The following IQCB1 variants were observed in gnomAD, a reference collection of about 807,000 sequenced individuals.
The protein encoded by IQCB1 is IQ calmodulin-binding motif-containing protein 1.
IQCB1 carries 56 observed loss-of-function variants against 84.4 expected under a neutral mutation model. That is an observed-to-expected ratio of 0.66 (90% CI 0.54 to 0.83). The LOEUF (loss-of-function observed/expected upper bound fraction) is 0.83, where lower values mean the gene tolerates loss of function less well. Among genes scored for constraint, IQCB1 ranks in the 40% least tolerant of loss-of-function variants. IQCB1 has a pLI of 0.00. For missense variants in IQCB1, 629 were observed against 682.1 expected (o/e 0.92, Z 0.87); for synonymous variants, 210 against 234.8 (o/e 0.89, Z 0.96).
intron 4 of IQCB1, 43 bp downstream of exon 4, chr3:121,828,427 T>G (rs544575353): frequency 6.5e-7 from 1 of 1,536,986 alleles, no homozygotes; most frequent in Non-Finnish European, 9.0e-7. Context: ...CAGAATCAAC[T>G]ACTACATCCC....
chr3:121,828,597 A>T lies in IQCB1; in HGVS notation c.136T>A (p.Leu46Met), dbSNP rs1352178655. ...INITPLGSSE[L>M]KKIKQDIYCY... is the part of the protein sequence containing the mutation. ...TATATATCTTGTTTGATTTTCTTCAACTCTGAGCTTCCTAAAGGTGTGATG... is the reference window on the plus strand; with the variant it reads ...TATATATCTTGTTTGATTTTCTTCATCTCTGAGCTTCCTAAAGGTGTGATG... Residue 46 changes from leucine (L) to methionine (M), a missense_variant, in exon 4 of 15, where the codon TTG becomes ATG. Coordinates refer to ENST00000310864, the MANE Select transcript of IQCB1 (RefSeq NM_001023570.4). The T allele has an allele frequency of 1.2e-6, 2 of 1,603,254 alleles. No homozygotes were observed. The highest frequency in any genetic ancestry group is 4.5e-5 in the East Asian group (2 of 44,750).
chr3:121,816,058 G>GT (rs1559792489), intron 5 of IQCB1, among the ~76,000 whole-genome samples: 1 of 152,020 alleles, frequency 6.6e-6, no homozygotes, highest in African/African-American at 2.4e-5. Flanking sequence ...CATGGTACTG[G>GT]TATCAAAACA....
chr3:121,831,611 A>C (rs1039405834), intron 2 of IQCB1, among the ~76,000 whole-genome samples: 2 of 152,134 alleles, frequency 1.3e-5, no homozygotes, highest in African/African-American at 2.4e-5. Context: ...CCCTATCTCC[A>C]AGTAGACAGT....
chr3:121,776,318 T>C (rs1275526954), intron 13 of IQCB1, among the ~76,000 whole-genome samples: 1 of 152,222 alleles, frequency 6.6e-6, no homozygotes, highest in Non-Finnish European at 1.5e-5. Context: ...TGAGCATTCA[T>C]GTACAAGTGT....
In IQCB1 at chr3:121,828,908, G is replaced by C. The variant is rs752497982; in HGVS notation, c.53C>G (p.Ala18Gly). The C allele has an allele frequency of 6.2e-7, 1 of 1,611,290 alleles. No individual in the cohort carries two copies. The highest frequency in any genetic ancestry group is 1.3e-5 in the African/African-American group (1 of 74,796). Residue 18 changes from alanine to glycine, a missense_variant, in exon 3 of 15, where the codon GCA (alanine) becomes GGA (glycine). Ala to Gly is a moderately conservative substitution (Grantham distance 60). Coordinates refer to ENST00000310864, the MANE Select transcript of IQCB1 (RefSeq NM_001023570.4). The part of the protein sequence containing the change: ...PRILSIAAEV[A>G]KSPEQNVPVI... Reference sequence around the variant, plus strand: ...AGGGACATTCTGCTCAGGGCTTTTTGCAACTTCAGCAGCTATAGATAAGAT... The same window carrying C: ...AGGGACATTCTGCTCAGGGCTTTTTCCAACTTCAGCAGCTATAGATAAGAT...
At chr3:121,812,320 C>T (rs1949860633) in intron 5 of IQCB1, among the ~76,000 whole-genome samples, 2 of 152,200 alleles carry the variant, frequency 1.3e-5, no homozygotes, top group Non-Finnish European at 2.9e-5. Context: ...TGAGGAAAAA[C>T]CAGCACAAAA....
intron 5 of IQCB1, among the ~76,000 whole-genome samples, chr3:121,818,653 T>C (rs1258349372): frequency 6.6e-6 from 1 of 152,150 alleles, no homozygotes; most frequent in Non-Finnish European, 1.5e-5. Context: ...TGATTGATAA[T>C]TGATAAGTAT....
chr3:121,829,384 G>A (rs1950558139), intron 2 of IQCB1, among the ~76,000 whole-genome samples: 1 of 152,200 alleles, frequency 6.6e-6, no homozygotes, highest in Non-Finnish European at 1.5e-5. Context: ...TTACAAGGTT[G>A]GCCTTTGACT....
At chr3:121,809,285 C>T (rs1949731754) in intron 5 of IQCB1, among the ~76,000 whole-genome samples, 2 of 151,984 alleles carry the variant, frequency 1.3e-5, no homozygotes, top group African/African-American at 2.4e-5. Context: ...TGTCTTAATA[C>T]TTGCTATGCA....
intron 7 of IQCB1, among the ~76,000 whole-genome samples, chr3:121,803,344 C>A (rs1559779156): frequency 6.6e-6 from 1 of 152,336 alleles, no homozygotes. Context: ...AGCCACCGTG[C>A]CCGGCCCCTT....
intron 8 of IQCB1, 126 bp downstream of exon 8, chr3:121,799,070 G>A: frequency 3.0e-6 from 2 of 666,334 alleles, no homozygotes; most frequent in Non-Finnish European, 5.3e-6. Context: ...ATTGGTATCT[G>A]TTGTGAGTTT....
intron 7 of IQCB1, among the ~76,000 whole-genome samples, chr3:121,800,580 G>C (rs1189618667): frequency 6.6e-6 from 1 of 151,764 alleles, no homozygotes; most frequent in African/African-American, 2.4e-5. Flanking sequence ...TGTCCCATCA[G>C]TCAATGTCAT....
chr3:121,820,779 T>C (rs1178841757), intron 5 of IQCB1, among the ~76,000 whole-genome samples: 1 of 152,070 alleles, frequency 6.6e-6, no homozygotes, highest in Non-Finnish European at 1.5e-5. Flanking sequence ...CTTACAATTT[T>C]TTTCTTAATA....
At chr3:121,788,232 A>G in intron 12 of IQCB1, 52 bp downstream of exon 12, 1 of 1,563,220 alleles carries the variant, frequency 6.4e-7, no homozygotes, top group Non-Finnish European at 8.8e-7. Context: ...TCAGTTTTGA[A>G]CTCATGTTTT....
In IQCB1 at chr3:121,788,182, A is replaced by C. The variant is rs1948811787; in HGVS notation, c.1278+102T>G. The C allele has an allele frequency of 8.7e-6, 10 of 1,150,820 alleles. No individual in the cohort carries two copies. The Admixed American group carries it at 1.8e-4, about 20-fold the overall frequency. The allele number at this position is 1,150,820 out of a possible 1,614,324, so 71.3% of individuals were successfully genotyped here. A position where few individuals can be genotyped will look rare whatever the true frequency, so the allele number is the denominator to read the frequency against. On this transcript the variant is annotated intron_variant, in intron 12 of 14. Transcript: ENST00000310864. ...AAAAAACTAAGGCTCAAGAAAACTA[A>C]GTGTCTTGACCAAGGCTTTACAACA...
chr3:121,780,873 T>C (rs1036063248), intron 13 of IQCB1, among the ~76,000 whole-genome samples: 2 of 117,408 alleles, frequency 1.7e-5, no homozygotes, highest in African/African-American at 7.0e-5. Flanking sequence ...TATGTGTGTG[T>C]GTGTGTGTGT....
chr3:121,824,205 G>A (rs575713119), intron 5 of IQCB1, among the ~76,000 whole-genome samples: 1 of 152,276 alleles, frequency 6.6e-6, no homozygotes, highest in Admixed American at 6.5e-5. Context: ...GCCTGAAGGT[G>A]TGGATAGTAC....
At chr3:121,825,183 C>T (rs1269831849) in intron 5 of IQCB1, among the ~76,000 whole-genome samples, 1 of 151,748 alleles carries the variant, frequency 6.6e-6, no homozygotes, top group African/African-American at 2.4e-5. Context: ...GCCTCAGCCT[C>T]CCAAGTAGCT....
At chr3:121,817,968 A>G (rs1342855058) in intron 5 of IQCB1, among the ~76,000 whole-genome samples, 1 of 152,194 alleles carries the variant, frequency 6.6e-6, no homozygotes. Flanking sequence ...GGGCCCCATG[A>G]GGAAGTGGAT....
Sources: allele counts gnomAD v4.1 joint callset (sites outside exome capture counted in the v4.1 genomes callset), GRCh38; gene constraint gnomAD v4.1.1; transcripts MANE v1.5; gene names NCBI Gene and HGNC (gene_info 2026-07-23, HGNC 2026-07-21).